PDS5A: variants seen among roughly 807,000 people sequenced by gnomAD.
The protein encoded by PDS5A is sister chromatid cohesion protein PDS5 homolog A.
Under a neutral mutation model 167.1 loss-of-function variants are expected in PDS5A, and 42 were observed. That is an observed-to-expected ratio of 0.25 (90% CI 0.20 to 0.33). The LOEUF (loss-of-function observed/expected upper bound fraction) is 0.33. Ranked by LOEUF, PDS5A falls within the 10% of genes least tolerant of loss-of-function variation. PDS5A has a pLI of 1.00. For synonymous variants in PDS5A, 553 were observed against 554.6 expected (o/e 1.00, Z 0.04); for missense variants, 1,033 against 1,605.9 (o/e 0.64, Z 6.10).
chr4:39,877,265 C>T, intron 18 of PDS5A, 112 bp from the exon 19 acceptor site: 1 of 620,658 alleles, frequency 1.6e-6, no homozygotes, highest in Non-Finnish European at 2.7e-6. Flanking sequence ...AATATGCTAG[C>T]TACACAGAAT....
At chr4:39,930,532 T>C (rs1290144786) in intron 2 of PDS5A, among the ~76,000 whole-genome samples, 1 of 152,150 alleles carries the variant, frequency 6.6e-6, no homozygotes, top group Non-Finnish European at 1.5e-5. Context: ...AAGTTTGCAT[T>C]GCTAAAATAA....
At chr4:39,846,622 T>G (rs1223274033) in intron 28 of PDS5A, 1 of 152,218 alleles carries the variant, frequency 6.6e-6, no homozygotes, top group Non-Finnish European at 1.5e-5. Context: ...GAGAGTTATA[T>G]CTATATAAAA....
intron 23 of PDS5A, 116 bp from the exon 24 acceptor site, chr4:39,863,575 G>A (rs990357057): frequency 1.9e-5 from 12 of 634,158 alleles, no homozygotes; most frequent in Non-Finnish European, 2.6e-5. Context: ...TTAAAATGAC[G>A]TACAAATATG....
intron 8 of PDS5A, among the ~76,000 whole-genome samples, chr4:39,914,312 C>A (rs922683634): frequency 6.6e-6 from 1 of 151,960 alleles, no homozygotes; most frequent in Non-Finnish European, 1.5e-5. Context: ...CAGGCGCCCA[C>A]CACCGCACCA....
intron 26 of PDS5A, among the ~76,000 whole-genome samples, chr4:39,850,173 G>A (rs932611439): frequency 3.3e-5 from 5 of 151,788 alleles, no homozygotes; most frequent in African/African-American, 1.2e-4. Flanking sequence ...TCGGGAGGCT[G>A]AGGCAGGAGA....
intron 2 of PDS5A, among the ~76,000 whole-genome samples, chr4:39,959,502 C>A (rs1284540129): frequency 6.6e-6 from 1 of 152,054 alleles, no homozygotes; most frequent in Non-Finnish European, 1.5e-5. Context: ...AGGTGCACAC[C>A]ACCACACCCA....
intron 2 of PDS5A, among the ~76,000 whole-genome samples, chr4:39,951,064 G>A (rs1414134920): frequency 6.6e-6 from 1 of 151,758 alleles, no homozygotes; most frequent in Non-Finnish European, 1.5e-5. Flanking sequence ...ACCATACTCA[G>A]CTTTTTTTTG....
chr4:39,952,423 T>C (rs1040091584), intron 2 of PDS5A, among the ~76,000 whole-genome samples: 3 of 152,184 alleles, frequency 2.0e-5, no homozygotes, highest in Non-Finnish European at 4.4e-5. Flanking sequence ...GAGTTAATTA[T>C]AGGAGCTCTT....
intron 2 of PDS5A, among the ~76,000 whole-genome samples, chr4:39,935,534 C>CT (rs545491381): frequency 6.6e-6 from 1 of 152,158 alleles, no homozygotes; most frequent in Non-Finnish European, 1.5e-5. Flanking sequence ...AAAGACTATT[C>CT]TTTCTCTTTT....
chr4:39,840,005 A>C (rs1023172937), intron 31 of PDS5A, among the ~76,000 whole-genome samples: 4 of 152,006 alleles, frequency 2.6e-5, no homozygotes, highest in Non-Finnish European at 4.4e-5. Flanking sequence ...GAGGCAGGAG[A>C]ATCGCTTGAA....
rs566702742 is a variant in PDS5A at position 39,899,258 on chromosome 4, C to T, written c.1582-433G>A. Among the ~76,000 whole-genome samples, 15 of 152,126 alleles carry T rather than the reference C, an allele frequency of 9.9e-5. No homozygotes were observed. The East Asian group carries it at 1.2e-3, about 12-fold the overall frequency. ...GAGTTCTGTTAGCTACTTTGTGGCC[C>T]GTTACTTAAATACCTTCAGGAAAAC... On this transcript the variant is annotated intron_variant, in intron 14 of 32. Coordinates refer to ENST00000303538, the MANE Select transcript of PDS5A (RefSeq NM_001100399.2).
chr4:39,872,839 G>C, intron 21 of PDS5A, 147 bp downstream of exon 21: 1 of 443,902 alleles, frequency 2.3e-6, no homozygotes, highest in Non-Finnish European at 3.8e-6. Flanking sequence ...AAGTAGTTTC[G>C]AATTTAAATA....
rs558405646 is a variant in PDS5A at position 39,849,495 on chromosome 4, C to T, written c.3219+25G>A. The T allele has an allele frequency of 2.7e-6, 4 of 1,483,978 alleles. No individual in the cohort carries two copies. The South Asian group carries it at 3.6e-5, about 13-fold the overall frequency. 91.9% of individuals were successfully genotyped at this position (1,483,978 alleles called of 1,614,324 possible). Reference sequence around the variant, plus strand: ...TATATTTTTCTATTACATCTTAACACCCACTGGCCTAACACTCATCTTACT... The same window carrying T: ...TATATTTTTCTATTACATCTTAACATCCACTGGCCTAACACTCATCTTACT... On this transcript the variant is annotated intron_variant, in intron 27 of 32. Coordinates refer to ENST00000303538, the MANE Select transcript of PDS5A (RefSeq NM_001100399.2).
chr4:39,845,163 G>T (rs567840090), intron 29 of PDS5A, among the ~76,000 whole-genome samples: 1 of 152,108 alleles, frequency 6.6e-6, no homozygotes, highest in East Asian at 1.9e-4. Context: ...AGCTGAGATC[G>T]CAACATTGTA....
At chr4:39,834,196 A>AC (rs1197124049) in intron 32 of PDS5A, among the ~76,000 whole-genome samples, 1 of 151,908 alleles carries the variant, frequency 6.6e-6, no homozygotes, top group Non-Finnish European at 1.5e-5. Flanking sequence ...AAAAAAAAAA[A>AC]AAAAGGGTAC....
In PDS5A at chr4:39,920,302, T is replaced by A; in HGVS notation, c.735+17A>T. On this transcript the variant is annotated intron_variant, in intron 7 of 32. Transcript: ENST00000303538. ...AGAATTACAAAATATAGAATAAACA[T>A]AGAAAGAAATACATACATTAGCAAT... 1 of 1,097,252 alleles carries A rather than the reference T, an allele frequency of 9.1e-7. No homozygotes were observed. The highest frequency in any genetic ancestry group is 1.3e-6 in the Non-Finnish European group (1 of 743,472). The allele number at this position is 1,097,252 out of a possible 1,614,324, so 68.0% of individuals were successfully genotyped here. A position where few individuals can be genotyped will look rare whatever the true frequency, so the allele number is the denominator to read the frequency against.
At chr4:39,899,279 A>G (rs1039868623) in intron 14 of PDS5A, among the ~76,000 whole-genome samples, 2 of 152,328 alleles carry the variant, frequency 1.3e-5, no homozygotes, top group African/African-American at 2.4e-5. Flanking sequence ...TACCTTCAGG[A>G]AAACCTCCTT....
At chr4:39,885,246 TAAA>T (rs34192127) in intron 17 of PDS5A, among the ~76,000 whole-genome samples, 4 of 110,336 alleles carry the variant, frequency 3.6e-5, no homozygotes, top group Non-Finnish European at 3.6e-5. Context: ...GATTCCTTCT[TAAA>T]AAAAAAAAAA....
chr4:39,884,075 C>T (rs78708128), intron 17 of PDS5A, among the ~76,000 whole-genome samples: 14,701 of 152,018 alleles, frequency 0.097, 885 homozygotes, highest in East Asian at 0.22. Flanking sequence ...ATTACAGTTG[C>T]GTGCCACCAC....
Sources: allele counts gnomAD v4.1 joint callset (sites outside exome capture counted in the v4.1 genomes callset), GRCh38; gene constraint gnomAD v4.1.1; transcripts MANE v1.5; gene names NCBI Gene and HGNC (gene_info 2026-07-23, HGNC 2026-07-21).